The following SMARCA2 variants were observed in gnomAD, a reference collection of about 807,000 sequenced individuals.
The protein encoded by SMARCA2 is SWI/SNF related BAF chromatin remodeling complex subunit ATPase 2.
Under a neutral mutation model 199.8 loss-of-function variants are expected in SMARCA2, and 61 were observed. That is an observed-to-expected ratio of 0.31 (90% CI 0.25 to 0.38). The LOEUF (loss-of-function observed/expected upper bound fraction) is 0.38. Among genes scored for constraint, SMARCA2 ranks in the 10% least tolerant of loss-of-function variants. The pLI is 1.00. For synonymous variants in SMARCA2, 935 were observed against 732.0 expected (o/e 1.28, Z -4.48); for missense variants, 1,344 against 2,012.2 (o/e 0.67, Z 6.35).
intron 1 of SMARCA2, 51 bp from the exon 2 acceptor site, chr9:2,028,936 C>A: frequency 7.1e-7 from 1 of 1,415,856 alleles, no homozygotes; most frequent in South Asian, 1.3e-5. Flanking sequence ...TTATTCTGGT[C>A]TTAACATCAT....
chr9:2,068,511 A>T (rs547057889), intron 9 of SMARCA2, among the ~76,000 whole-genome samples: 1 of 152,228 alleles, frequency 6.6e-6, no homozygotes, highest in African/African-American at 2.4e-5. Context: ...GGCTGATTTT[A>T]AACTTTAAGT....
intron 27 of SMARCA2, among the ~76,000 whole-genome samples, chr9:2,131,286 C>A (rs535050483): frequency 6.6e-6 from 1 of 152,136 alleles, no homozygotes; most frequent in Non-Finnish European, 1.5e-5. Flanking sequence ...ACCTTTCTTA[C>A]GGCATCATAT....
chr9:2,168,878 G>T (rs534441610), intron 28 of SMARCA2, among the ~76,000 whole-genome samples: 1 of 152,204 alleles, frequency 6.6e-6, no homozygotes, highest in East Asian at 1.9e-4. Context: ...TGTAATCTGC[G>T]TCAGTCTTAG....
chr9:2,143,021 C>T (rs1824541655), intron 27 of SMARCA2, among the ~76,000 whole-genome samples: 2 of 152,110 alleles, frequency 1.3e-5, no homozygotes, highest in South Asian at 2.1e-4. Flanking sequence ...GAGATTCGGA[C>T]ATATTTTAAA....
At chr9:2,139,505 T>A (rs774631311) in intron 27 of SMARCA2, among the ~76,000 whole-genome samples, 3 of 152,196 alleles carry the variant, frequency 2.0e-5, no homozygotes, top group Non-Finnish European at 4.4e-5. Context: ...TCCAGGAAGA[T>A]CACTAAAATG....
intron 29 of SMARCA2, among the ~76,000 whole-genome samples, chr9:2,173,383 A>C (rs1240426880): frequency 6.6e-6 from 1 of 152,180 alleles, no homozygotes. Flanking sequence ...ATCTTGTATT[A>C]CTGTAAATGA....
intron 32 of SMARCA2, among the ~76,000 whole-genome samples, chr9:2,188,395 C>G (rs192319280): frequency 1.4e-4 from 21 of 152,210 alleles, no homozygotes; most frequent in Admixed American, 1.3e-3. Context: ...ATAAGCGACT[C>G]TTTCCCAACG....
intron 14 of SMARCA2, among the ~76,000 whole-genome samples, chr9:2,081,230 T>A (rs1821553165): frequency 6.6e-6 from 1 of 152,198 alleles, no homozygotes; most frequent in South Asian, 2.1e-4. Context: ...TTTTTGTACT[T>A]CAGAAATACG....
At chr9:2,066,794 A>G (rs1820855217) in intron 9 of SMARCA2, among the ~76,000 whole-genome samples, 1 of 152,216 alleles carries the variant, frequency 6.6e-6, no homozygotes, top group Non-Finnish European at 1.5e-5. Flanking sequence ...CTCAGGTGGC[A>G]GGAGACGCTG....
chr9:2,156,734 T>G (rs11999942), intron 27 of SMARCA2, among the ~76,000 whole-genome samples: 3 of 152,058 alleles, frequency 2.0e-5, no homozygotes, highest in African/African-American at 7.3e-5. Flanking sequence ...CCTGGCCCAT[T>G]GTAGCCATTT....
intron 5 of SMARCA2, among the ~76,000 whole-genome samples, chr9:2,052,796 T>A (rs1018579551): frequency 4.6e-5 from 7 of 152,174 alleles, no homozygotes; most frequent in Admixed American, 4.6e-4. Context: ...GAGGTTTCAC[T>A]TTTTCACGTT....
At chr9:2,103,650 G>C (rs182885744) in intron 22 of SMARCA2, among the ~76,000 whole-genome samples, 1 of 142,980 alleles carries the variant, frequency 7.0e-6, no homozygotes, top group Non-Finnish European at 1.5e-5. Context: ...GTACGTGTGT[G>C]TGTGTGTGTG....
At chr9:2,151,874 T>G (rs1337536343) in intron 27 of SMARCA2, among the ~76,000 whole-genome samples, 28 of 152,142 alleles carry the variant, frequency 1.8e-4, no homozygotes, top group Admixed American at 1.8e-3. Context: ...TGATTGAAAT[T>G]GAGTATTTTA....
At chr9:2,020,771 CAG>C (rs1180963780) in intron 1 of SMARCA2, among the ~76,000 whole-genome samples, 3 of 152,084 alleles carry the variant, frequency 2.0e-5, no homozygotes, top group Non-Finnish European at 4.4e-5. Context: ...AATTGTACCT[CAG>C]AAAAACATAC....
chr9:2,103,643 C>CGTGTGT (rs540863457), intron 22 of SMARCA2, among the ~76,000 whole-genome samples: 1 of 143,454 alleles, frequency 7.0e-6, no homozygotes, highest in Non-Finnish European at 1.5e-5. Context: ...TGTGTGTGTA[C>CGTGTGT]GTGTGTGTGT....
chr9:2,192,743 G>C lies in SMARCA2; in HGVS notation c.*4G>C. The C allele has an allele frequency of 1.2e-6, 2 of 1,604,320 alleles. No homozygotes were observed. The highest frequency in any genetic ancestry group is 1.1e-5 in the South Asian group (1 of 90,862). ...AAGTGGGACGGATGATGAGTGATCA[G>C]TATGGACCTTTTTCCTTGGTAGAAC... On this transcript the variant is annotated 3_prime_UTR_variant, in exon 34 of 34. Coordinates refer to ENST00000349721, the MANE Select transcript of SMARCA2 (RefSeq NM_003070.5).
intron 27 of SMARCA2, among the ~76,000 whole-genome samples, chr9:2,127,423 A>G (rs1376612902): frequency 2.6e-5 from 4 of 152,178 alleles, no homozygotes; most frequent in African/African-American, 9.7e-5. Flanking sequence ...CCAGAAAAAT[A>G]AACAGAAGTT....
rs1313296990 is a variant in SMARCA2 at position 2,115,407 on chromosome 9, A to C, written c.3457-415A>C. 1.3e-5 allele frequency among the ~76,000 whole-genome samples: 2 copies of C among 152,202 alleles called. No homozygotes were observed. The highest frequency in any genetic ancestry group is 1.5e-5 in the Non-Finnish European group (1 of 68,046). On this transcript the variant is annotated intron_variant, in intron 24 of 33. Transcript: ENST00000349721. This position sits in a 1 kb window ranked among gnomAD's most constrained non-coding sequence, Gnocchi z 6.0. Reference sequence around the variant, plus strand: ...ATGTACAACTCAGTGATATTTTTAAAATAATCTTCAACACATCACGCCAAA... The same window carrying C: ...ATGTACAACTCAGTGATATTTTTAACATAATCTTCAACACATCACGCCAAA...
intron 27 of SMARCA2, among the ~76,000 whole-genome samples, chr9:2,140,606 T>C (rs1824415170): frequency 6.6e-6 from 1 of 152,180 alleles, no homozygotes; most frequent in Non-Finnish European, 1.5e-5. Context: ...ACCAGTTCCC[T>C]GTCATAAAAG....
Sources: gnomAD v4.1 joint callset for allele counts (sites outside exome capture counted in the v4.1 genomes callset) on GRCh38, gnomAD v4.1.1 for gene constraint, Gnocchi (gnomAD v3.1) non-coding constraint, MANE v1.5 for transcripts, NCBI Gene and HGNC (gene_info 2026-07-23, HGNC 2026-07-21) for gene names.